MLLT6: variants seen among roughly 807,000 people sequenced by gnomAD.
MLLT6 encodes the protein MLLT6, PHD finger containing, also known as protein AF-17.
A neutral mutation model predicts 103.0 loss-of-function variants in MLLT6; 22 were observed. That is an observed-to-expected ratio of 0.21 (90% CI 0.15 to 0.31). MLLT6 has a LOEUF of 0.31. Among genes scored for constraint, MLLT6 ranks in the 10% least tolerant of loss-of-function variants. The pLI, the probability that MLLT6 is intolerant of heterozygous loss-of-function variation, is 1.00. For missense variants in MLLT6, 1,199 were observed against 1,441.7 expected (o/e 0.83, Z 2.73); for synonymous variants, 606 against 623.5 (o/e 0.97, Z 0.42).
chr17:38,720,291 C>G, intron 14 of MLLT6, 81 bp from the exon 15 acceptor site: 2 of 1,280,808 alleles, frequency 1.6e-6, no homozygotes. Context: ...AGCACTGGCT[C>G]CCCTCCAGGC....
rs1905081912 is a variant in MLLT6 at position 38,709,798 on chromosome 17, A to G, written c.552+223A>G. Among the ~76,000 whole-genome samples the G allele has an allele frequency of 6.6e-6, 1 of 152,268 alleles. No individual in the cohort carries two copies. Among genetic ancestry groups the G allele is most frequent in the Non-Finnish European group, 1.5e-5 (1 of 68,046 alleles). On this transcript the variant is annotated intron_variant, in intron 6 of 19. Coordinates refer to ENST00000621332, the MANE Select transcript of MLLT6 (RefSeq NM_005937.4). The surrounding 1 kb of genome is among the most constrained non-coding windows in gnomAD (Gnocchi z 4.3). ...CAGTCTGTCCCAAAAGACAAAGCTC[A>G]GACCCTGCCTGTCAGAGTCTAGGAG...
chr17:38,716,624 G>A lies in MLLT6; in HGVS notation c.1294G>A (p.Val432Ile), dbSNP rs377118280. 24 of 1,613,898 alleles carry A rather than the reference G, an allele frequency of 1.5e-5. No individual in the cohort carries two copies. Among genetic ancestry groups the A allele is most frequent in the African/African-American group, 4.0e-5 (3 of 75,050 alleles). Reference protein sequence around the residue: ...PSPGDYKSPHVTGSGASAGTH... With the variant: ...PSPGDYKSPHITGSGASAGTH... ...CCCTGGGGACTATAAGTCTCCCCAC[G>A]TCACGGGGTCTGGGGCCTCGGCAGG... Residue 432 changes from valine to isoleucine, a missense_variant, in exon 10 of 20, where the codon GTC becomes ATC. By Grantham distance (29) the Val-to-Ile change is conservative. This residue lies in a region of MLLT6 where 1,034 missense variants were observed against 1,091.5 expected (regional missense o/e 0.95). Transcript: ENST00000621332. The surrounding 1 kb of genome is among the most constrained non-coding windows in gnomAD (Gnocchi z 5.6).
chr17:38,721,881 C>T lies in MLLT6; in HGVS notation c.2446C>T (p.Pro816Ser). 1.3e-6 allele frequency: 2 copies of T among 1,577,438 alleles called. No homozygotes were observed. Among genetic ancestry groups the T allele is most frequent in the Non-Finnish European group, 1.7e-6 (2 of 1,168,358 alleles). The part of the protein sequence containing the change: ...DNSLSTSSED[P>S]HSGCPSRSSS... ...TCCCTTCCCCCTCCCTCCCCAGGAC[C>T]CACACTCAGGCTGCCCGAGCCGCAG... The change falls in exon 17 of 20, where the codon CCA (proline) becomes TCA (serine). Residue 816 changes from proline to serine, a missense_variant. By Grantham distance (74) the Pro-to-Ser change is moderately conservative. Coordinates refer to ENST00000621332, the MANE Select transcript of MLLT6 (RefSeq NM_005937.4).
rs780767402 is a variant in MLLT6 at position 38,719,823 on chromosome 17, C to A, written c.2083C>A (p.Pro695Thr). The change falls in exon 14 of 20, where the codon CCG becomes ACG. Residue 695 changes from proline to threonine, a missense_variant. This residue lies in a region of MLLT6 where 1,034 missense variants were observed against 1,091.5 expected (regional missense o/e 0.95). Coordinates refer to ENST00000621332, the MANE Select transcript of MLLT6 (RefSeq NM_005937.4). ...SAPCGGGQLDPAAPGTTNMEQ... is the reference protein window; with the variant it reads ...SAPCGGGQLDTAAPGTTNMEQ... ...ACCCTGTGGGGGCGGCCAGTTAGAC[C>A]CGGCGGCCCCAGGGACGACTAACAT... The A allele has an allele frequency of 8.7e-6, 14 of 1,613,092 alleles. No homozygotes were observed. Among genetic ancestry groups the A allele is most frequent in the Non-Finnish European group, 1.2e-5 (14 of 1,179,766 alleles).
chr17:38,723,062 C>T (rs1222519432), intron 18 of MLLT6, among the ~76,000 whole-genome samples: 1 of 152,184 alleles, frequency 6.6e-6, no homozygotes, highest in Non-Finnish European at 1.5e-5. Context: ...GCATTTCAGT[C>T]CCAGCCCCAA....
In MLLT6 at chr17:38,716,926, T is replaced by C. The variant is rs1484526578; in HGVS notation, c.1596T>C (p.Phe532=). The C allele has an allele frequency of 6.2e-7, 1 of 1,613,646 alleles. No homozygotes were observed. ...TGGGAGGTCTGTCCTCCCGAACCTT[T>C]GGGCCTTCTGGGAGCTTGCCCAGCT... ...SGLGGLSSRT[F]GPSGSLPSLS... is the part of the protein sequence containing the mutation. Residue 532 remains phenylalanine, a synonymous_variant, in exon 10 of 20, where the codon TTT becomes TTC. Coordinates refer to ENST00000621332, the MANE Select transcript of MLLT6 (RefSeq NM_005937.4). The surrounding 1 kb of genome is among the most constrained non-coding windows in gnomAD (Gnocchi z 5.6).
chr17:38,712,486 C>A (rs1004577020), intron 7 of MLLT6, among the ~76,000 whole-genome samples: 3 of 152,132 alleles, frequency 2.0e-5, no homozygotes, highest in Non-Finnish European at 4.4e-5. Flanking sequence ...TTTTAGCAGG[C>A]GGGGCCGGGG....
chr17:38,710,074 C>T (rs955930166), intron 6 of MLLT6, among the ~76,000 whole-genome samples: 9 of 152,158 alleles, frequency 5.9e-5, no homozygotes, highest in African/African-American at 1.4e-4. Flanking sequence ...GGATTTAGAA[C>T]GGGCAGCCTA....
chr17:38,706,541 C>T (rs1904932603), intron 1 of MLLT6: 1 of 164,534 alleles, frequency 6.1e-6, no homozygotes, highest in South Asian at 1.9e-4. Context: ...ACTTCTCCGC[C>T]TCGTCCCTCA....
In MLLT6 at chr17:38,721,919, G is replaced by A; in HGVS notation, c.2484G>A (p.Leu828=). 1 of 1,571,422 alleles carries A rather than the reference G, an allele frequency of 6.4e-7. No individual in the cohort carries two copies. Residue 828 remains leucine (L), a synonymous_variant, in exon 17 of 20, where the codon CTG becomes CTA. Coordinates refer to ENST00000621332, the MANE Select transcript of MLLT6 (RefSeq NM_005937.4). ...GCCCGAGCCGCAGCAGCTCGTCGCT[G>A]TCCTTCCACAGCACGCCCCCACCGC... is the stretch of plus-strand genomic sequence containing the variant. ...SGCPSRSSSS[L]SFHSTPPPLP...
In MLLT6 at chr17:38,716,302, C is replaced by G. The variant is rs1458341311; in HGVS notation, c.1037-65C>G. ...ACCAGAGCTCTCTCCCGCCAGTACA[C>G]GCGGGAGTGGGAGGGAGTGCGGGGA... On this transcript the variant is annotated intron_variant, in intron 9 of 19. Transcript: ENST00000621332. The surrounding 1 kb of genome is among the most constrained non-coding windows in gnomAD (Gnocchi z 5.6). The G allele has an allele frequency of 4.7e-6, 7 of 1,503,242 alleles. No individual in the cohort carries two copies. The highest frequency in any genetic ancestry group is 3.6e-6 in the Non-Finnish European group (4 of 1,103,114). 93.1% of individuals were successfully genotyped at this position (1,503,242 alleles called of 1,614,324 possible). A position where few individuals can be genotyped will look rare whatever the true frequency, so the allele number is the denominator to read the frequency against.
chr17:38,724,635 G>A lies in MLLT6; in HGVS notation c.2899G>A (p.Val967Ile). The part of the protein sequence containing the change: ...PQLTPEHQTV[V>I]YQMIQQIQQK... ...CCCCTTGCAGGAACACCAGACTGTT[G>A]TCTACCAGATGATCCAGCAGATCCA... Residue 967 changes from valine to isoleucine, a missense_variant, in exon 19 of 20, where the codon GTC (valine) becomes ATC (isoleucine). Coordinates refer to ENST00000621332, the MANE Select transcript of MLLT6 (RefSeq NM_005937.4). This position sits in a 1 kb window ranked among gnomAD's most constrained non-coding sequence, Gnocchi z 5.4. The A allele has an allele frequency of 6.2e-7, 1 of 1,601,156 alleles. No homozygotes were observed. The highest frequency in any genetic ancestry group is 8.5e-7 in the Non-Finnish European group (1 of 1,171,818).
chr17:38,717,979 C>G, intron 12 of MLLT6, 26 bp downstream of exon 12: 1 of 1,498,366 alleles, frequency 6.7e-7, no homozygotes, highest in Non-Finnish European at 9.3e-7. Context: ...ATCCCCTCTC[C>G]CCTTTCTTCC....
chr17:38,725,158 G>A, intron 19 of MLLT6, 182 bp downstream of exon 19: 1 of 568,194 alleles, frequency 1.8e-6, no homozygotes, highest in Non-Finnish European at 3.1e-6. Flanking sequence ...GCACGGCCAA[G>A]AAAGATCCGA....
chr17:38,723,167 G>A lies in MLLT6; in HGVS notation c.2883+399G>A, dbSNP rs112016312. 1.8e-3 allele frequency among the ~76,000 whole-genome samples: 272 copies of A among 152,242 alleles called. 3 individuals carry two copies. The highest frequency in any genetic ancestry group is 6.2e-3 in the African/African-American group (257 of 41,536). On this transcript the variant is annotated intron_variant, in intron 18 of 19. Transcript: ENST00000621332. ...CTTTGGGTCTGTCTCCTGTTGGGTC[G>A]GCTGAAACTACCTTTGGAGAAAAGG...
Position 38,719,733 on chromosome 17 carries a change from G to A in MLLT6, c.2010-17G>A, listed in dbSNP as rs781466704. 6.2e-6 allele frequency: 10 copies of A among 1,603,180 alleles called. No individual in the cohort carries two copies. The highest frequency in any genetic ancestry group is 5.1e-5 in the Admixed American group (3 of 59,356). ...GAGTGGTCGGGTCGACTGAACCCAG[G>A]TTCCCTCTGGCCGCAGGTCCCCCAT... On this transcript the variant is annotated splice_polypyrimidine_tract_variant and intron_variant, in intron 13 of 19. Coordinates refer to ENST00000621332, the MANE Select transcript of MLLT6 (RefSeq NM_005937.4).
In MLLT6 at chr17:38,728,281, A is replaced by G. The variant is rs1451032119; in HGVS notation, c.*2683A>G. The G allele has an allele frequency of 1.3e-5, 3 of 233,244 alleles. No individual in the cohort carries two copies. The highest frequency in any genetic ancestry group is 2.5e-5 in the Non-Finnish European group (3 of 118,102). The allele number at this position is 233,244 out of a possible 1,614,324, so 14.4% of individuals were successfully genotyped here. On this transcript the variant is annotated 3_prime_UTR_variant, in exon 20 of 20. Transcript: ENST00000621332. Reference sequence around the variant, plus strand: ...TTCAGGAGGAGCAGAATACCAACGCAGGGGGATGGCTGTAACGATCTCACC... The same window carrying G: ...TTCAGGAGGAGCAGAATACCAACGCGGGGGGATGGCTGTAACGATCTCACC...
chr17:38,720,651 T>C lies in MLLT6; in HGVS notation c.2354-8T>C. 3.7e-6 allele frequency: 6 copies of C among 1,613,336 alleles called. No homozygotes were observed. Among genetic ancestry groups the C allele is most frequent in the Non-Finnish European group, 4.2e-6 (5 of 1,179,966 alleles). ...CCCTGACTGCAGCCTGTGACATCCC[T>C]CCCACAGCCGGCAGCAGCGACTCCT... is the stretch of plus-strand genomic sequence containing the variant. On this transcript the variant is annotated splice_region_variant and splice_polypyrimidine_tract_variant and intron_variant, in intron 15 of 19. Coordinates refer to ENST00000621332, the MANE Select transcript of MLLT6 (RefSeq NM_005937.4).
Position 38,724,942 on chromosome 17 carries a change from G to C in MLLT6, c.3206G>C (p.Gly1069Ala). The change falls in exon 19 of 20, where the codon GGA becomes GCA. Residue 1069 changes from glycine to alanine, a missense_variant. Coordinates refer to ENST00000621332, the MANE Select transcript of MLLT6 (RefSeq NM_005937.4). This position sits in a 1 kb window ranked among gnomAD's most constrained non-coding sequence, Gnocchi z 5.4. ...ACCAACCCCTTCCTCAGCCTGTCGG[G>C]AGCAGAGGGCAGTGGCGGTGGCCCC... is the stretch of plus-strand genomic sequence containing the variant. ...AQTNPFLSLS[G>A]AEGSGGGPKG... The C allele has an allele frequency of 6.5e-7, 1 of 1,547,746 alleles. No homozygotes were observed. The highest frequency in any genetic ancestry group is 2.4e-5 in the East Asian group (1 of 40,846).
Sources: allele counts gnomAD v4.1 joint callset (sites outside exome capture counted in the v4.1 genomes callset), GRCh38; gene constraint gnomAD v4.1.1; regional missense constraint gnomAD v4.1.1; non-coding constraint Gnocchi (gnomAD v3.1); transcripts MANE v1.5; gene names NCBI Gene and HGNC (gene_info 2026-07-23, HGNC 2026-07-21).